CLSTN1: variants seen among roughly 807,000 people sequenced by gnomAD.
CLSTN1 encodes calsyntenin-1.
In CLSTN1, 28 loss-of-function variants were observed where a neutral mutation model predicts 108.3. The observed-to-expected ratio is 0.26, with a 90% CI of 0.19 to 0.35. The LOEUF (loss-of-function observed/expected upper bound fraction) is 0.35. CLSTN1 is among the 10% of genes least tolerant of loss of function. CLSTN1 has a pLI of 1.00. For missense variants in CLSTN1, 1,157 were observed against 1,302.6 expected, an observed-to-expected ratio of 0.89 and a Z score of 1.72; for synonymous variants, 524 against 534.9, an observed-to-expected ratio of 0.98 and a Z score of 0.28.
Position 9,730,950 on chromosome 1 carries a change from G to C in CLSTN1, c.2749-245C>G, listed in dbSNP as rs937739918. 1.3e-5 allele frequency among the ~76,000 whole-genome samples: 2 copies of C among 152,210 alleles called. No individual in the cohort carries two copies. The highest frequency in any genetic ancestry group is 1.3e-4 in the Admixed American group (2 of 15,274). On this transcript the variant is annotated intron_variant, in intron 18 of 18. Coordinates refer to ENST00000377298, the MANE Select transcript of CLSTN1 (RefSeq NM_001009566.3). This position sits in a 1 kb window ranked among gnomAD's most constrained non-coding sequence, Gnocchi z 5.6. ...GGACAGCACCTCAGCTGCCCCACCA[G>C]AGAACTCTCTCAGGATTACCATGAC...
At chr1:9,793,618 C>G (rs1653864022) in intron 1 of CLSTN1, among the ~76,000 whole-genome samples, 1 of 151,454 alleles carries the variant, frequency 6.6e-6, no homozygotes, top group African/African-American at 2.4e-5. Flanking sequence ...GGTTATCAGC[C>G]TTCCTGGGCA....
chr1:9,801,280 C>CT (rs1243827541), intron 1 of CLSTN1, among the ~76,000 whole-genome samples: 5 of 152,112 alleles, frequency 3.3e-5, no homozygotes, highest in Admixed American at 3.3e-4. Context: ...ATGAACAACT[C>CT]TATGCCTAAA....
chr1:9,799,680 C>T (rs1654167205), intron 1 of CLSTN1, among the ~76,000 whole-genome samples: 1 of 151,164 alleles, frequency 6.6e-6, no homozygotes, highest in Non-Finnish European at 1.5e-5. Context: ...CGGTGACTCA[C>T]GCCTGTAATC....
At chr1:9,805,340 C>A (rs906162943) in intron 1 of CLSTN1, among the ~76,000 whole-genome samples, 2 of 152,102 alleles carry the variant, frequency 1.3e-5, no homozygotes, top group Non-Finnish European at 2.9e-5. Context: ...GTTATCAGAG[C>A]GTGATCTAAG....
Position 9,734,960 on chromosome 1 carries a change from C to G in CLSTN1, c.2098G>C (p.Glu700Gln), listed in dbSNP as rs1354446719. 10 of 1,614,168 alleles carry G rather than the reference C, an allele frequency of 6.2e-6. No homozygotes were observed. Among genetic ancestry groups the G allele is most frequent in the Non-Finnish European group, 8.5e-6 (10 of 1,180,004 alleles). The stretch of plus-strand genomic sequence containing the variant: ...CAGAGCACATTACCTGTGGGGTCCT[C>G]AGCCCCGTCCCCTTCAGGCTCCACT... Reference protein sequence around the residue: ...REVEPEGDGAEDPTVQESLVS... With the variant: ...REVEPEGDGAQDPTVQESLVS... Residue 700 changes from glutamate to glutamine, a missense_variant, in exon 14 of 19, where the codon GAG (glutamate) becomes CAG (glutamine). Transcript: ENST00000377298. This position sits in a 1 kb window ranked among gnomAD's most constrained non-coding sequence, Gnocchi z 4.8.
chr1:9,777,142 C>T (rs1041017937), intron 1 of CLSTN1, among the ~76,000 whole-genome samples: 1 of 147,818 alleles, frequency 6.8e-6, no homozygotes, highest in Non-Finnish European at 1.5e-5. Flanking sequence ...ATTGCTTGAA[C>T]CTGGGAGGTG....
At chr1:9,768,931 G>A (rs1224715961) in intron 2 of CLSTN1, among the ~76,000 whole-genome samples, 1 of 144,124 alleles carries the variant, frequency 6.9e-6, no homozygotes, top group Non-Finnish European at 1.5e-5. Context: ...AAAGGAGAAA[G>A]GGAAAGAGGG....
At chr1:9,739,117 T>A (rs146676760) in intron 10 of CLSTN1, among the ~76,000 whole-genome samples, 140 of 152,338 alleles carry the variant, frequency 9.2e-4, no homozygotes, top group Middle Eastern at 3.4e-3. Flanking sequence ...GAGGGTTCCA[T>A]GAACTTGGAT....
At chr1:9,820,137 G>C (rs994473232) in intron 1 of CLSTN1, among the ~76,000 whole-genome samples, 14 of 151,562 alleles carry the variant, frequency 9.2e-5, no homozygotes, top group Admixed American at 3.3e-4. Flanking sequence ...TTCTCCCAAA[G>C]TGCTGGAATT....
chr1:9,818,045 C>G (rs375923020), intron 1 of CLSTN1, among the ~76,000 whole-genome samples: 1 of 140,378 alleles, frequency 7.1e-6, no homozygotes, highest in African/African-American at 2.7e-5. Context: ...CTTGCTCTGT[C>G]GCTCAGGCTG....
chr1:9,795,501 C>T (rs112607056), intron 1 of CLSTN1, among the ~76,000 whole-genome samples: 2 of 151,446 alleles, frequency 1.3e-5, no homozygotes, highest in African/African-American at 4.8e-5. Context: ...GAAAACAAAA[C>T]CGCTCAATCT....
At chr1:9,737,424 T>G in intron 11 of CLSTN1, 74 bp downstream of exon 11, 1 of 1,405,464 alleles carries the variant, frequency 7.1e-7, no homozygotes, top group Non-Finnish European at 1.0e-6. Flanking sequence ...GGGCGTTTCA[T>G]GCGACACGTG....
intron 1 of CLSTN1, among the ~76,000 whole-genome samples, chr1:9,806,611 G>A (rs2101295411): frequency 6.6e-6 from 1 of 152,336 alleles, no homozygotes; most frequent in East Asian, 1.9e-4. Flanking sequence ...CGGGCGCGGT[G>A]GCTCACGCCT....
At position 9,731,326 on chromosome 1, in the gene CLSTN1, G is replaced by A; in HGVS notation, c.2628C>T (p.Ile876=). 6.2e-7 allele frequency: 1 copy of A among 1,614,260 alleles called. No individual in the cohort carries two copies. The highest frequency in any genetic ancestry group is 2.2e-5 in the East Asian group (1 of 44,878). The change falls in exon 18 of 19, where the codon ATC becomes ATT. Residue 876 remains isoleucine, a synonymous_variant. Coordinates refer to ENST00000377298, the MANE Select transcript of CLSTN1 (RefSeq NM_001009566.3). The part of the protein sequence containing the change: ...VCVSFLVFMI[I]LGVFRIRAAH... ...CGGCCCGGATCCGAAATACCCCCAG[G>A]ATAATCATGAACACCAGGAAGCTGA...
chr1:9,731,271 T>C lies in CLSTN1; in HGVS notation c.2683A>G (p.Thr895Ala), dbSNP rs1650371933. The change falls in exon 18 of 19, where the codon ACC becomes GCC. Residue 895 changes from threonine to alanine, a missense_variant. Thr to Ala is a moderately conservative substitution (Grantham distance 58). Coordinates refer to ENST00000377298, the MANE Select transcript of CLSTN1 (RefSeq NM_001009566.3). ...AHRRTMRDQD[T>A]GKENEMDWDD... The stretch of plus-strand genomic sequence containing the variant: ...CAGTCCATCTCGTTCTCCTTCCCGG[T>C]GTCCTGATCCCGCATGGTCCGCCGA... 6.2e-7 allele frequency: 1 copy of C among 1,614,252 alleles called. No individual in the cohort carries two copies. The highest frequency in any genetic ancestry group is 8.5e-7 in the Non-Finnish European group (1 of 1,180,050).
intron 7 of CLSTN1, among the ~76,000 whole-genome samples, chr1:9,745,619 T>C (rs958468678): frequency 1.3e-5 from 2 of 152,082 alleles, no homozygotes; most frequent in African/African-American, 4.8e-5. Flanking sequence ...ACTGTGCCAC[T>C]ATACTCCAGC....
intron 1 of CLSTN1, among the ~76,000 whole-genome samples, chr1:9,782,908 G>C (rs12034239): frequency 6.6e-5 from 10 of 152,256 alleles, no homozygotes; most frequent in African/African-American, 2.4e-4. Context: ...CCAGGAGGCT[G>C]AGGTAGGAGA....
chr1:9,768,493 C>T (rs1170191152), intron 2 of CLSTN1, among the ~76,000 whole-genome samples: 1 of 78,336 alleles, frequency 1.3e-5, no homozygotes, highest in Admixed American at 1.8e-4. Flanking sequence ...GGGTTCTGTG[C>T]TGGGTGGCAC....
chr1:9,804,784 T>A (rs1654435965), intron 1 of CLSTN1, among the ~76,000 whole-genome samples: 1 of 150,100 alleles, frequency 6.7e-6, no homozygotes, highest in African/African-American at 2.5e-5. Context: ...GTGAGCCGAG[T>A]TTATGCCACT....
Sources: allele counts gnomAD v4.1 joint callset (sites outside exome capture counted in the v4.1 genomes callset), GRCh38; gene constraint gnomAD v4.1.1; non-coding constraint Gnocchi (gnomAD v3.1); transcripts MANE v1.5; gene names NCBI Gene and HGNC (gene_info 2026-07-23, HGNC 2026-07-21).